The following ARHGAP15 variants were observed in gnomAD, a reference collection of about 807,000 sequenced individuals.
The protein encoded by ARHGAP15 is rho GTPase-activating protein 15.
ARHGAP15 carries 51 observed loss-of-function variants against 63.7 expected under a neutral mutation model. That is an observed-to-expected ratio of 0.80 (90% CI 0.64 to 1.01). The LOEUF (loss-of-function observed/expected upper bound fraction) is 1.01. ARHGAP15 is among the 50% of genes least tolerant of loss of function. The pLI is 0.00. For synonymous variants in ARHGAP15, 191 were observed against 193.8 expected (o/e 0.99, Z 0.12); for missense variants, 560 against 564.6 (o/e 0.99, Z 0.08).
intron 9 of ARHGAP15, among the ~76,000 whole-genome samples, chr2:143,490,473 GAA>G (rs1692539358): frequency 6.6e-6 from 1 of 152,072 alleles, no homozygotes. Flanking sequence ...CACTTAATGT[GAA>G]AAGAGATTTA....
chr2:143,624,010 C>T, intron 11 of ARHGAP15, 123 bp from the exon 12 acceptor site: 3 of 1,172,244 alleles, frequency 2.6e-6, no homozygotes, highest in Non-Finnish European at 3.6e-6. Context: ...CAGCACCAAA[C>T]CTCTAGGTGC....
At chr2:143,700,513 T>C (rs1271587913) in intron 12 of ARHGAP15, among the ~76,000 whole-genome samples, 1 of 152,146 alleles carries the variant, frequency 6.6e-6, no homozygotes, top group Non-Finnish European at 1.5e-5. Flanking sequence ...AGTCAGAGAC[T>C]TCAGTGAAAT....
rs375873633 is a variant in ARHGAP15 at position 143,341,490 on chromosome 2, A to T, written c.474+90890A>T. The stretch of plus-strand genomic sequence containing the variant: ...ATGCATTTTCTGAAGTTAATTTAAA[A>T]TAATATACAATCTGTTTGTCCCAGC... On this transcript the variant is annotated intron_variant, in intron 6 of 13. Transcript: ENST00000295095. 6.6e-5 allele frequency among the ~76,000 whole-genome samples: 10 copies of T among 152,268 alleles called. No homozygotes were observed. In the East Asian group the frequency reaches 1.2e-3, roughly 18 times the overall value.
chr2:143,739,591 A>G (rs1350124487), intron 13 of ARHGAP15, among the ~76,000 whole-genome samples: 1 of 152,208 alleles, frequency 6.6e-6, no homozygotes, highest in African/African-American at 2.4e-5. Context: ...CTTTCAGGTT[A>G]TCAGAAAGGG....
At chr2:143,322,607 T>C (rs1330529997) in intron 6 of ARHGAP15, among the ~76,000 whole-genome samples, 1 of 152,250 alleles carries the variant, frequency 6.6e-6, no homozygotes, top group Non-Finnish European at 1.5e-5. Context: ...ATTTTGAGGC[T>C]TAAATAAGTT....
At chr2:143,613,783 A>C (rs775005624) in intron 11 of ARHGAP15, among the ~76,000 whole-genome samples, 1 of 152,304 alleles carries the variant, frequency 6.6e-6, no homozygotes, top group Middle Eastern at 3.4e-3. Context: ...ATTTCAATAC[A>C]TCAGAGCCTC....
At chr2:143,686,644 G>A (rs1683364464) in intron 12 of ARHGAP15, among the ~76,000 whole-genome samples, 1 of 152,038 alleles carries the variant, frequency 6.6e-6, no homozygotes, top group Non-Finnish European at 1.5e-5. Flanking sequence ...GCCATATAGA[G>A]GCTTACTTTG....
chr2:143,133,982 G>T (rs961566631), intron 1 of ARHGAP15, among the ~76,000 whole-genome samples: 1 of 152,008 alleles, frequency 6.6e-6, no homozygotes, highest in Non-Finnish European at 1.5e-5. Context: ...TTTTACAGCT[G>T]TATACTATTC....
At chr2:143,246,738 G>A (rs903548046) in intron 5 of ARHGAP15, among the ~76,000 whole-genome samples, 1 of 152,038 alleles carries the variant, frequency 6.6e-6, no homozygotes, top group African/African-American at 2.4e-5. Flanking sequence ...GTGAAGCCAG[G>A]AAGGAATTCA....
chr2:143,571,589 G>C (rs1696455771), intron 11 of ARHGAP15, among the ~76,000 whole-genome samples: 1 of 152,152 alleles, frequency 6.6e-6, no homozygotes, highest in Admixed American at 6.5e-5. Flanking sequence ...AAAGCCCATG[G>C]AATAATTCCC....
chr2:143,332,487 G>C (rs907024900), intron 6 of ARHGAP15, among the ~76,000 whole-genome samples: 1 of 151,922 alleles, frequency 6.6e-6, no homozygotes, highest in African/African-American at 2.4e-5. Flanking sequence ...GTATATGAGG[G>C]AAAAGATGAA....
At chr2:143,384,722 A>G (rs1408020839) in intron 6 of ARHGAP15, among the ~76,000 whole-genome samples, 1 of 152,140 alleles carries the variant, frequency 6.6e-6, no homozygotes, top group Non-Finnish European at 1.5e-5. Flanking sequence ...CTGTTGTGCT[A>G]TCATCTGGAT....
chr2:143,536,456 T>C (rs1370833896), intron 10 of ARHGAP15, among the ~76,000 whole-genome samples: 4 of 151,882 alleles, frequency 2.6e-5, no homozygotes, highest in Non-Finnish European at 4.4e-5. Context: ...ATGTGCCATG[T>C]TGGGGTGCTG....
At chr2:143,330,155 T>G (rs994652532) in intron 6 of ARHGAP15, among the ~76,000 whole-genome samples, 1 of 81,380 alleles carries the variant, frequency 1.2e-5, no homozygotes, top group Non-Finnish European at 2.7e-5. Context: ...ACTAAACTAA[T>G]GATTAATAAT....
chr2:143,375,979 A>C (rs779458947), intron 6 of ARHGAP15, among the ~76,000 whole-genome samples: 1 of 152,356 alleles, frequency 6.6e-6, no homozygotes, highest in Non-Finnish European at 1.5e-5. Flanking sequence ...AAAATGCACT[A>C]TGCAAAGAGA....
chr2:143,734,663 A>G (rs1318904893), intron 13 of ARHGAP15, among the ~76,000 whole-genome samples: 1 of 152,228 alleles, frequency 6.6e-6, no homozygotes, highest in Non-Finnish European at 1.5e-5. Flanking sequence ...GTTGCCTGGA[A>G]TCAATTAACT....
At chr2:143,573,036 C>T (rs987310768) in intron 11 of ARHGAP15, among the ~76,000 whole-genome samples, 2 of 151,928 alleles carry the variant, frequency 1.3e-5, no homozygotes, top group African/African-American at 4.8e-5. Flanking sequence ...ATAGAAGAAA[C>T]AATATTCAGG....
At chr2:143,318,194 G>A (rs988336547) in intron 6 of ARHGAP15, among the ~76,000 whole-genome samples, 4 of 151,416 alleles carry the variant, frequency 2.6e-5, no homozygotes, top group Non-Finnish European at 5.9e-5. Flanking sequence ...TTTTAGTAGA[G>A]ACAGGGTTTC....
intron 6 of ARHGAP15, among the ~76,000 whole-genome samples, chr2:143,262,558 T>TTTTTTTTTTTTC (rs1316090737): frequency 6.7e-6 from 1 of 149,658 alleles, no homozygotes; most frequent in East Asian, 2.0e-4. Flanking sequence ...TTTTTTTTTT[T>TTTTTTTTTTTTC]TACTTTGTCA....
Sources: gnomAD v4.1 joint callset for allele counts (sites outside exome capture counted in the v4.1 genomes callset) on GRCh38, gnomAD v4.1.1 for gene constraint, MANE v1.5 for transcripts, NCBI Gene and HGNC (gene_info 2026-07-23, HGNC 2026-07-21) for gene names.